CSMD3: variants seen among roughly 807,000 people sequenced by gnomAD.
CSMD3 encodes CUB and sushi domain-containing protein 3.
In CSMD3, 177 loss-of-function variants were observed where a neutral mutation model predicts 435.2. That is an observed-to-expected ratio of 0.41 (90% confidence interval 0.36 to 0.46). The LOEUF is 0.46. Among genes scored for constraint, CSMD3 ranks in the 20% least tolerant of loss-of-function variants. The pLI, the probability that CSMD3 is intolerant of heterozygous loss-of-function variation, is 0.34. For synonymous variants in CSMD3, 1,656 were observed against 1,520.5 expected, an observed-to-expected ratio of 1.09 and a Z score of -2.07; for missense variants, 4,265 against 4,504.6, an observed-to-expected ratio of 0.95 and a Z score of 1.52.
intron 3 of CSMD3, among the ~76,000 whole-genome samples, chr8:113,277,147 T>C (rs930879210): frequency 2.0e-4 from 31 of 152,000 alleles, no homozygotes; most frequent in African/African-American, 7.2e-4. Context: ...CACAAAATAA[T>C]TGCATTACTA....
At position 112,965,984 on chromosome 8, in the gene CSMD3, A is replaced by G. The variant is rs114594897; in HGVS notation, c.1342+9853T>C. Among the ~76,000 whole-genome samples, 1,001 of 151,944 alleles carry G rather than the reference A, an allele frequency of 6.6e-3. 12 individuals are homozygous for G. The highest frequency in any genetic ancestry group is 0.023 in the African/African-American group (961 of 41,548). On this transcript the variant is annotated intron_variant, in intron 7 of 70. Coordinates refer to ENST00000297405, the MANE Select transcript of CSMD3 (RefSeq NM_198123.2). ...TTATTAAATAGCTCTATAAACATTA[A>G]ACACAACTTTCCATTAAATAACATA...
In CSMD3 at chr8:113,420,863, G is replaced by A. The variant is rs556232237; in HGVS notation, c.178+15814C>T. On this transcript the variant is annotated intron_variant, in intron 1 of 70. Coordinates refer to ENST00000297405, the MANE Select transcript of CSMD3 (RefSeq NM_198123.2). ...GCTTGGGAGGCTGAGACAGGGAGAA[G>A]TTCCTGAACCCAGCAGGCGGAGGTT... Among the ~76,000 whole-genome samples the A allele has an allele frequency of 9.9e-5, 15 of 151,674 alleles. No individual in the cohort carries two copies. In the South Asian group the frequency reaches 2.3e-3, roughly 23 times the overall value.
intron 13 of CSMD3, among the ~76,000 whole-genome samples, chr8:112,762,331 G>A (rs755977383): frequency 3.3e-5 from 5 of 151,800 alleles, no homozygotes; most frequent in Admixed American, 2.6e-4. Context: ...AAAGGATATC[G>A]GATTAGATGA....
chr8:113,356,525 A>G (rs1425386579), intron 1 of CSMD3, among the ~76,000 whole-genome samples: 2 of 152,164 alleles, frequency 1.3e-5, no homozygotes, highest in African/African-American at 4.8e-5. Context: ...CTCCTTTTCC[A>G]AGATTTCATG....
chr8:113,123,959 AT>A (rs2091055055), intron 4 of CSMD3, among the ~76,000 whole-genome samples: 1 of 151,930 alleles, frequency 6.6e-6, no homozygotes. Flanking sequence ...CCCCATCCTA[AT>A]TTAATTCCAT....
intron 4 of CSMD3, among the ~76,000 whole-genome samples, chr8:113,146,486 G>A (rs1161559719): frequency 1.3e-5 from 2 of 151,466 alleles, no homozygotes; most frequent in Non-Finnish European, 3.0e-5. Flanking sequence ...AGCCTAACTG[G>A]AATATATGAA....
chr8:112,780,397 G>A (rs948179803), intron 13 of CSMD3, among the ~76,000 whole-genome samples: 3 of 151,880 alleles, frequency 2.0e-5, no homozygotes, highest in Admixed American at 2.0e-4. Flanking sequence ...AGATTGAAAG[G>A]GCAAAGTAAG....
rs188940534 is a variant in CSMD3, at chr8:113,412,430, A to G, written c.178+24247T>C. On this transcript the variant is annotated intron_variant, in intron 1 of 70. Coordinates refer to ENST00000297405, the MANE Select transcript of CSMD3 (RefSeq NM_198123.2). ...TTAATTGAATTTCCCCCCAAAAACA[A>G]CAACACGTAGGCAAGGCTGCTTTTA... is the stretch of plus-strand genomic sequence containing the variant. Among the ~76,000 whole-genome samples, 79 of 152,220 alleles carry G rather than the reference A, an allele frequency of 5.2e-4. 1 individual carries two copies. In the East Asian group the frequency reaches 8.9e-3, roughly 17 times the overall value.
intron 1 of CSMD3, among the ~76,000 whole-genome samples, chr8:113,370,840 T>A (rs1404858281): frequency 1.3e-5 from 2 of 152,038 alleles, no homozygotes; most frequent in Admixed American, 1.3e-4. Flanking sequence ...TTAAAAAAAA[T>A]CTGCAGCTCT....
At chr8:112,228,525 G>A (rs947346489) in intron 70 of CSMD3, among the ~76,000 whole-genome samples, 22 of 152,260 alleles carry the variant, frequency 1.4e-4, no homozygotes, top group African/African-American at 5.1e-4. Flanking sequence ...GCAAAAGAAA[G>A]GTTAAACTGA....
Position 112,660,546 on chromosome 8 carries a change from T to G in CSMD3, c.2817-4205A>C, listed in dbSNP as rs556068495. ...TAAAAGGTCTTTAGAGAAGAACAAA[T>G]GGAAGAAGATATTTAAGGATTTTTT... On this transcript the variant is annotated intron_variant, in intron 17 of 70. Coordinates refer to ENST00000297405, the MANE Select transcript of CSMD3 (RefSeq NM_198123.2). Among the ~76,000 whole-genome samples, 742 of 151,954 alleles carry G rather than the reference T, an allele frequency of 4.9e-3. 3 individuals are homozygous for G. Among genetic ancestry groups the G allele is most frequent in the African/African-American group, 0.016 (663 of 41,368 alleles).
chr8:113,123,178 C>A (rs2091034107), intron 4 of CSMD3, among the ~76,000 whole-genome samples: 1 of 152,054 alleles, frequency 6.6e-6, no homozygotes, highest in Non-Finnish European at 1.5e-5. Context: ...CATATCTAAT[C>A]CAGCAACCTT....
chr8:112,646,727 G>A (rs1388190155), intron 19 of CSMD3, among the ~76,000 whole-genome samples: 1 of 152,110 alleles, frequency 6.6e-6, no homozygotes, highest in Non-Finnish European at 1.5e-5. Context: ...ATAACAAAGT[G>A]AAGATTTCTG....
intron 13 of CSMD3, among the ~76,000 whole-genome samples, chr8:112,779,919 C>T (rs965975213): frequency 6.6e-6 from 1 of 152,012 alleles, no homozygotes; most frequent in Non-Finnish European, 1.5e-5. Flanking sequence ...TTATCTTCTA[C>T]TTACAGTAAA....
intron 31 of CSMD3, among the ~76,000 whole-genome samples, chr8:112,490,579 A>G (rs1458163767): frequency 6.6e-6 from 1 of 152,090 alleles, no homozygotes; most frequent in East Asian, 1.9e-4. Flanking sequence ...TTAATCATTT[A>G]TCCCTGCGAT....
At chr8:113,357,490 A>T (rs962262029) in intron 1 of CSMD3, among the ~76,000 whole-genome samples, 21 of 152,344 alleles carry the variant, frequency 1.4e-4, no homozygotes, top group African/African-American at 5.1e-4. Context: ...TGTTTAATTT[A>T]AATCAATTTA....
intron 4 of CSMD3, among the ~76,000 whole-genome samples, chr8:113,101,448 T>A (rs1161215521): frequency 6.6e-6 from 1 of 152,080 alleles, no homozygotes; most frequent in Non-Finnish European, 1.5e-5. Context: ...ATTTAAATAC[T>A]TTATCCATCA....
chr8:112,571,385 T>G (rs1228606332), intron 24 of CSMD3, among the ~76,000 whole-genome samples: 5 of 152,062 alleles, frequency 3.3e-5, no homozygotes, highest in Non-Finnish European at 7.4e-5. Context: ...AATTCTACAG[T>G]TCACACTAAT....
rs778379839 is a variant in CSMD3 at position 112,291,545 on chromosome 8, T to C, written c.8939A>G (p.Asn2980Ser). 1 of 1,611,488 alleles carries C rather than the reference T, an allele frequency of 6.2e-7. No individual in the cohort carries two copies. Among genetic ancestry groups the C allele is most frequent in the South Asian group, 1.1e-5 (1 of 91,054 alleles). Residue 2980 changes from asparagine to serine, a missense_variant, in exon 56 of 71, where the codon AAT becomes AGT. Physicochemically the swap from Asn to Ser is conservative, Grantham distance 46 (BLOSUM62 1). Around this residue, in one of 3 missense-constraint regions of CSMD3, gnomAD observed 3,255 missense variants for 3,380.2 expected, o/e 0.96. Coordinates refer to ENST00000297405, the MANE Select transcript of CSMD3 (RefSeq NM_198123.2). ...FGSSVLICQP[N>S]GQWDKPLPEC... ...TGGTAAAGGTTTGTCCCATTGTCCA[T>C]TTGGTTGACATATCAAAACTGAAGA... is the stretch of plus-strand genomic sequence containing the variant.
Sources: allele counts gnomAD v4.1 joint callset (sites outside exome capture counted in the v4.1 genomes callset), GRCh38; gene constraint gnomAD v4.1.1; regional missense constraint gnomAD v4.1.1; transcripts MANE v1.5; gene names NCBI Gene and HGNC (gene_info 2026-07-23, HGNC 2026-07-21).